Variants in CHRM3 observed in about 807,000 individuals in gnomAD.
The protein encoded by CHRM3 is cholinergic receptor muscarinic 3.
In CHRM3, 11 loss-of-function variants were observed where a neutral mutation model predicts 41.8. That is an observed-to-expected ratio of 0.26 (90% CI 0.17 to 0.44). The LOEUF (loss-of-function observed/expected upper bound fraction) is 0.44. Among genes scored for constraint, CHRM3 ranks in the 20% least tolerant of loss-of-function variants. CHRM3 has a pLI of 1.00. For synonymous variants in CHRM3, 297 were observed against 301.4 expected (o/e 0.99, Z 0.15); for missense variants, 571 against 745.4 (o/e 0.77, Z 2.72).
At chr1:239,713,889 A>G (rs939493070) in intron 5 of CHRM3, among the ~76,000 whole-genome samples, 1 of 152,214 alleles carries the variant, frequency 6.6e-6, no homozygotes, top group Non-Finnish European at 1.5e-5. Flanking sequence ...GGGACAAAAC[A>G]TAAGCCCAGA....
chr1:239,782,887 G>A (rs1668608633), intron 5 of CHRM3, among the ~76,000 whole-genome samples: 1 of 152,026 alleles, frequency 6.6e-6, no homozygotes, highest in Admixed American at 6.6e-5. Flanking sequence ...ATTTAGAAGG[G>A]AGTTGTTTAC....
intron 6 of CHRM3, among the ~76,000 whole-genome samples, chr1:239,829,039 T>A (rs1368386736): frequency 3.9e-5 from 6 of 152,214 alleles, no homozygotes; most frequent in Non-Finnish European, 8.8e-5. Flanking sequence ...GACACTTGCT[T>A]TCTTGAAATG....
chr1:239,669,260 AC>A (rs1383760860), intron 4 of CHRM3, among the ~76,000 whole-genome samples: 3 of 152,194 alleles, frequency 2.0e-5, no homozygotes, highest in African/African-American at 7.2e-5. Flanking sequence ...TCCCTTTTAA[AC>A]TTTTTATACG....
chr1:239,534,925 G>A (rs1171824372), intron 2 of CHRM3, among the ~76,000 whole-genome samples: 2 of 152,226 alleles, frequency 1.3e-5, no homozygotes, highest in African/African-American at 4.8e-5. Context: ...TTTTGAAGAT[G>A]CTATATTTTT....
chr1:239,823,748 T>A (rs1338089009), intron 5 of CHRM3, among the ~76,000 whole-genome samples: 1 of 152,034 alleles, frequency 6.6e-6, no homozygotes, highest in Non-Finnish European at 1.5e-5. Context: ...AGCGAACAAC[T>A]CAATAGAACA....
rs537889076 is a variant in CHRM3 at position 239,556,151 on chromosome 1, A to G, written c.-313+10402A>G. Among the ~76,000 whole-genome samples, 6 of 152,262 alleles carry G rather than the reference A, an allele frequency of 3.9e-5. No homozygotes were observed. In the East Asian group the frequency reaches 1.2e-3, roughly 29 times the overall value. On this transcript the variant is annotated intron_variant, in intron 3 of 6. Transcript: ENST00000676153. ...TTTAAAAATATTTTCTTTTCTTTCC[A>G]TGAAGCACAGATTCATGTTTGAAAA...
rs180683680 is a variant in CHRM3, at chr1:239,519,993, C to T, written c.-421-25648C>T. Among the ~76,000 whole-genome samples the T allele has an allele frequency of 4.7e-4, 72 of 152,148 alleles. 1 individual carries two copies. In the Middle Eastern group the frequency reaches 0.01, roughly 22 times the overall value. On this transcript the variant is annotated intron_variant, in intron 2 of 6. Transcript: ENST00000676153. ...CGATCTCCTGACCTCGTGATCTGCT[C>T]GCCTCGGCCTCCCAAAGCGTAAACA...
rs183033346 is a variant in CHRM3, at chr1:239,560,754, T to C, written c.-313+15005T>C. 9.9e-5 allele frequency among the ~76,000 whole-genome samples: 15 copies of C among 152,230 alleles called. No homozygotes were observed. The East Asian group carries it at 2.5e-3, about 25-fold the overall frequency. Reference sequence around the variant, plus strand: ...TGTGTCTGGGTCCATTTTCCCCATATGTCAGCTCCATCCGTGACCCCTAAA... The same window carrying C: ...TGTGTCTGGGTCCATTTTCCCCATACGTCAGCTCCATCCGTGACCCCTAAA... On this transcript the variant is annotated intron_variant, in intron 3 of 6. Transcript: ENST00000676153.
intron 4 of CHRM3, among the ~76,000 whole-genome samples, chr1:239,662,366 T>A (rs772586938): frequency 2.5e-4 from 38 of 152,168 alleles, no homozygotes; most frequent in Non-Finnish European, 4.6e-4. Flanking sequence ...TAGGAGACTT[T>A]ATGAAAACCT....
At chr1:239,641,131 A>T (rs867890817) in intron 4 of CHRM3, among the ~76,000 whole-genome samples, 5 of 152,118 alleles carry the variant, frequency 3.3e-5, no homozygotes, top group South Asian at 2.1e-4. Flanking sequence ...TCTGAGAGAC[A>T]GTTTGTTATA....
chr1:239,548,643 G>C (rs537825715), intron 3 of CHRM3, among the ~76,000 whole-genome samples: 1 of 152,218 alleles, frequency 6.6e-6, no homozygotes, highest in East Asian at 1.9e-4. Flanking sequence ...GCATTTCTTG[G>C]TAAGAATCTA....
chr1:239,523,504 T>C (rs776869207), intron 2 of CHRM3, among the ~76,000 whole-genome samples: 1 of 152,176 alleles, frequency 6.6e-6, no homozygotes, highest in Non-Finnish European at 1.5e-5. Flanking sequence ...CAGTGACAGA[T>C]GTGGTTTAAG....
chr1:239,623,496 T>TC (rs1491517133), intron 3 of CHRM3, among the ~76,000 whole-genome samples: 13 of 109,896 alleles, frequency 1.2e-4, no homozygotes, highest in Admixed American at 2.0e-4. Context: ...TTTTTTTTTT[T>TC]AATTTTTTTT....
At chr1:239,760,478 G>C (rs190705900) in intron 5 of CHRM3, among the ~76,000 whole-genome samples, 2 of 149,324 alleles carry the variant, frequency 1.3e-5, no homozygotes, top group South Asian at 2.1e-4. Flanking sequence ...TTGCCTGTTC[G>C]TCTACCTTTT....
At chr1:239,844,717 G>A (rs1163070011) in intron 6 of CHRM3, among the ~76,000 whole-genome samples, 2 of 152,140 alleles carry the variant, frequency 1.3e-5, no homozygotes, top group Admixed American at 6.5e-5. Context: ...TTATTATCAA[G>A]ACAGCTTTAT....
At chr1:239,831,304 G>T (rs766844111) in intron 6 of CHRM3, among the ~76,000 whole-genome samples, 1 of 152,092 alleles carries the variant, frequency 6.6e-6, no homozygotes, top group Non-Finnish European at 1.5e-5. Flanking sequence ...GAACATCAAA[G>T]GAAGCTCCTG....
intron 3 of CHRM3, among the ~76,000 whole-genome samples, chr1:239,558,074 T>C (rs1660533565): frequency 6.6e-6 from 1 of 152,204 alleles, no homozygotes; most frequent in Admixed American, 6.5e-5. Context: ...TCTTCCACAA[T>C]GGTTTAACTA....
At chr1:239,841,252 G>T (rs149343142) in intron 6 of CHRM3, among the ~76,000 whole-genome samples, 68 of 152,230 alleles carry the variant, frequency 4.5e-4, no homozygotes, top group Non-Finnish European at 2.1e-4. Context: ...TAGCAATATG[G>T]TATGTGTTAG....
chr1:239,738,214 A>G (rs1664549824), intron 5 of CHRM3, among the ~76,000 whole-genome samples: 1 of 152,192 alleles, frequency 6.6e-6, no homozygotes, highest in Non-Finnish European at 1.5e-5. Context: ...GCATTTTGGT[A>G]ACAAGCTTTT....
Sources: allele counts gnomAD v4.1 joint callset (sites outside exome capture counted in the v4.1 genomes callset), GRCh38; gene constraint gnomAD v4.1.1; transcripts MANE v1.5; gene names NCBI Gene and HGNC (gene_info 2026-07-23, HGNC 2026-07-21).